Variants in SIPA1L1 observed in about 807,000 individuals in gnomAD.
The protein encoded by SIPA1L1 is signal induced proliferation associated 1 like 1.
SIPA1L1 carries 26 observed loss-of-function variants against 162.7 expected under a neutral mutation model. The ratio of observed to expected loss-of-function variants is 0.16; its 90% CI spans 0.12 to 0.22. The LOEUF (loss-of-function observed/expected upper bound fraction) is 0.22. Ranked by LOEUF, SIPA1L1 falls within the 10% of genes least tolerant of loss-of-function variation. The pLI is 1.00. For synonymous variants in SIPA1L1, 829 were observed against 837.4 expected, an observed-to-expected ratio of 0.99 and a Z score of 0.17; for missense variants, 1,874 against 2,241.0, an observed-to-expected ratio of 0.84 and a Z score of 3.31.
intron 2 of SIPA1L1, among the ~76,000 whole-genome samples, chr14:71,461,412 G>A (rs137885141): frequency 2.7e-4 from 41 of 152,246 alleles, no homozygotes; most frequent in African/African-American, 9.6e-4. Context: ...GGGTGATGAC[G>A]GGTGGCTGGG....
chr14:71,544,428 G>C (rs2054985657), intron 4 of SIPA1L1, among the ~76,000 whole-genome samples: 1 of 151,748 alleles, frequency 6.6e-6, no homozygotes, highest in Admixed American at 6.6e-5. Context: ...TAGCTTGCCT[G>C]TTCATTTTCT....
intron 2 of SIPA1L1, among the ~76,000 whole-genome samples, chr14:71,338,901 G>A (rs1461910709): frequency 6.6e-6 from 1 of 151,684 alleles, no homozygotes; most frequent in Non-Finnish European, 1.5e-5. Flanking sequence ...CACCACACCC[G>A]GCTTCTTTTT....
chr14:71,704,800 G>A (rs1305107708), intron 15 of SIPA1L1: 7 of 1,585,066 alleles, frequency 4.4e-6, no homozygotes, highest in Admixed American at 3.3e-5. Flanking sequence ...TATTTCCAAA[G>A]TGTCATGGTA....
intron 5 of SIPA1L1, among the ~76,000 whole-genome samples, chr14:71,594,896 A>G (rs529783846): frequency 3.9e-5 from 6 of 152,282 alleles, no homozygotes; most frequent in African/African-American, 1.4e-4. Flanking sequence ...CTGTCCTTTT[A>G]TCTGCTCAGG....
chr14:71,601,121 A>G (rs570582837), intron 5 of SIPA1L1, among the ~76,000 whole-genome samples: 4 of 152,198 alleles, frequency 2.6e-5, no homozygotes, highest in Non-Finnish European at 5.9e-5. Flanking sequence ...TCTGGCTTGA[A>G]CTTCCAATAC....
At chr14:71,657,674 C>CTT (rs11320179) in intron 8 of SIPA1L1, among the ~76,000 whole-genome samples, 50 of 144,118 alleles carry the variant, frequency 3.5e-4, no homozygotes, top group African/African-American at 9.5e-4. Context: ...AAATTATTGT[C>CTT]TTTTTTTTTT....
chr14:71,430,312 A>G (rs147411724), intron 2 of SIPA1L1, among the ~76,000 whole-genome samples: 10 of 152,298 alleles, frequency 6.6e-5, no homozygotes, highest in Non-Finnish European at 1.2e-4. Context: ...TGATCTTTTA[A>G]GAAAATAAAA....
intron 22 of SIPA1L1, among the ~76,000 whole-genome samples, chr14:71,736,735 A>G (rs897237090): frequency 1.3e-5 from 2 of 152,228 alleles, no homozygotes; most frequent in East Asian, 3.9e-4. Flanking sequence ...GGAGCCTCCA[A>G]CAGAGAGAAG....
At chr14:71,356,590 A>AAAAAAAAAAAAAACG (rs2037290901) in intron 2 of SIPA1L1, among the ~76,000 whole-genome samples, 1 of 147,838 alleles carries the variant, frequency 6.8e-6, no homozygotes, top group African/African-American at 2.5e-5. Flanking sequence ...AAAAAAAAGC[A>AAAAAAAAAAAAAACG]CACCTGTTGT....
At chr14:71,723,398 T>G (rs1189154617) in intron 17 of SIPA1L1, among the ~76,000 whole-genome samples, 1 of 152,228 alleles carries the variant, frequency 6.6e-6, no homozygotes, top group Admixed American at 6.5e-5. Context: ...AAGTTGAAAG[T>G]GTCCCTGACA....
intron 5 of SIPA1L1, among the ~76,000 whole-genome samples, chr14:71,606,729 C>T (rs1023621272): frequency 4.6e-5 from 7 of 151,994 alleles, no homozygotes; most frequent in African/African-American, 7.2e-5. Context: ...CGCTCCCAAC[C>T]GGTCCCAACC....
intron 22 of SIPA1L1, chr14:71,735,657 G>A (rs752020755): frequency 7.3e-5 from 25 of 342,520 alleles, no homozygotes; most frequent in Non-Finnish European, 1.1e-4. Context: ...AGGGCCAGTT[G>A]GGGCAGGTAG....
At chr14:71,413,860 T>C (rs1427143597) in intron 2 of SIPA1L1, 8 of 152,240 alleles carry the variant, frequency 5.3e-5, no homozygotes, top group Non-Finnish European at 8.8e-5. Flanking sequence ...GTGATTTTTT[T>C]CCCCTTTTAC....
At chr14:71,734,194 A>G (rs986648051) in intron 21 of SIPA1L1, among the ~76,000 whole-genome samples, 2 of 152,222 alleles carry the variant, frequency 1.3e-5, no homozygotes, top group South Asian at 2.1e-4. Flanking sequence ...CCACGCGCCT[A>G]TCCTCACAAA....
At chr14:71,548,566 TA>T (rs1399931631) in intron 4 of SIPA1L1, among the ~76,000 whole-genome samples, 2 of 152,258 alleles carry the variant, frequency 1.3e-5, no homozygotes, top group Admixed American at 1.3e-4. Flanking sequence ...TTTACATTTC[TA>T]ATATTCTTAA....
intron 4 of SIPA1L1, among the ~76,000 whole-genome samples, chr14:71,536,963 A>G (rs767256556): frequency 3.3e-5 from 5 of 152,176 alleles, no homozygotes; most frequent in Admixed American, 6.5e-5. Flanking sequence ...CTTTTATGGA[A>G]TATTTAGATT....
chr14:71,632,772 T>C (rs2040712532), intron 7 of SIPA1L1, among the ~76,000 whole-genome samples: 3 of 152,158 alleles, frequency 2.0e-5, no homozygotes. Context: ...TGCCACTGCC[T>C]AGCAATACAG....
chr14:71,568,424 A>G (rs928275663), intron 4 of SIPA1L1, among the ~76,000 whole-genome samples: 3 of 152,196 alleles, frequency 2.0e-5, no homozygotes, highest in Admixed American at 6.5e-5. Flanking sequence ...GGTGAGGGCC[A>G]TTCACAAGCC....
chr14:71,709,581 A>C lies in SIPA1L1; in HGVS notation c.4125A>C (p.Ile1375=). Residue 1375 remains isoleucine, a synonymous_variant, in exon 17 of 24, where the codon ATA becomes ATC. Coordinates refer to ENST00000381232, the MANE Select transcript of SIPA1L1 (RefSeq NM_001386936.1). ...RKTESSLSLD[I]HSKSQAGSTP... ...CAGAGTCTTCCCTGAGCTTAGACAT[A>C]CACAGCAAGAGCCAAGCCGGCTCGA... 6.2e-7 allele frequency: 1 copy of C among 1,614,202 alleles called. No individual in the cohort carries two copies.
Sources: gnomAD v4.1 joint callset for allele counts (sites outside exome capture counted in the v4.1 genomes callset) on GRCh38, gnomAD v4.1.1 for gene constraint, MANE v1.5 for transcripts, NCBI Gene and HGNC (gene_info 2026-07-23, HGNC 2026-07-21) for gene names.